Variants in COMMD10 observed in about 807,000 individuals in gnomAD.
COMMD10 encodes COMM domain-containing protein 10.
COMMD10 carries 33 observed loss-of-function variants against 28.9 expected under a neutral mutation model. That is an observed-to-expected ratio of 1.14 (90% confidence interval 0.87 to 1.53). COMMD10 has a LOEUF of 1.53. Ranked by LOEUF, COMMD10 falls within the 40% of genes most tolerant of loss-of-function variation. The probability of loss-of-function intolerance (pLI) is 0.00; values close to 1 mark genes in which losing one functional copy is unlikely to be tolerated. For missense variants in COMMD10, 310 were observed against 233.4 expected, an observed-to-expected ratio of 1.33 and a Z score of -2.14; for synonymous variants, 110 against 81.7, an observed-to-expected ratio of 1.35 and a Z score of -1.87.
At chr5:116,233,479 G>C (rs955742687) in intron 5 of COMMD10, among the ~76,000 whole-genome samples, 15 of 152,210 alleles carry the variant, frequency 9.9e-5, no homozygotes, top group African/African-American at 3.6e-4. Context: ...CCCTTGTGAA[G>C]TCTGTATTCT....
chr5:116,173,197 A>G (rs58502196), intron 5 of COMMD10, among the ~76,000 whole-genome samples: 8,090 of 152,188 alleles, frequency 0.053, 300 homozygotes, highest in African/African-American at 0.11. Flanking sequence ...GTAGTTTACA[A>G]ATGAAAAAAA....
chr5:116,167,418 T>G (rs1753161451), intron 5 of COMMD10, among the ~76,000 whole-genome samples: 1 of 152,102 alleles, frequency 6.6e-6, no homozygotes, highest in South Asian at 2.1e-4. Flanking sequence ...TGGAAAACAC[T>G]CTTCAGGATG....
intron 5 of COMMD10, among the ~76,000 whole-genome samples, chr5:116,256,444 A>G (rs4921085): frequency 0.11 from 16,952 of 151,672 alleles, 1,581 homozygotes; most frequent in African/African-American, 0.23. Context: ...GTGCTGTAGA[A>G]ATTACCTTTC....
chr5:116,221,708 G>A (rs922012573), intron 5 of COMMD10, among the ~76,000 whole-genome samples: 3 of 152,152 alleles, frequency 2.0e-5, no homozygotes, highest in Admixed American at 6.5e-5. Context: ...GCATTATTAC[G>A]TTTTGAAAGG....
intron 5 of COMMD10, among the ~76,000 whole-genome samples, chr5:116,176,524 A>T (rs936627010): frequency 2.0e-5 from 3 of 152,056 alleles, no homozygotes. Flanking sequence ...TTAATTTTGT[A>T]TGTCTTCATT....
chr5:116,090,185 AT>A (rs1239658373), intron 2 of COMMD10, among the ~76,000 whole-genome samples: 1 of 152,224 alleles, frequency 6.6e-6, no homozygotes, highest in Non-Finnish European at 1.5e-5. Context: ...GGCATGCCAG[AT>A]TATGGATCTG....
intron 5 of COMMD10, among the ~76,000 whole-genome samples, chr5:116,173,155 G>T (rs183563401): frequency 6.6e-6 from 1 of 152,034 alleles, no homozygotes; most frequent in Non-Finnish European, 1.5e-5. Context: ...TCTAACAGCT[G>T]CCTGTTGTTT....
In COMMD10 at chr5:116,176,876, G is replaced by A. The variant is rs556753038; in HGVS notation, c.510+42698G>A. 2.6e-5 allele frequency among the ~76,000 whole-genome samples: 4 copies of A among 152,204 alleles called. No homozygotes were observed. In the South Asian group the frequency reaches 8.3e-4, roughly 32 times the overall value. ...GTGAGTAACTATAAAAGTGTAAAGA[G>A]AACTGTAACAAACATACTAGGCCTG... On this transcript the variant is annotated intron_variant, in intron 5 of 6. Coordinates refer to ENST00000274458, the MANE Select transcript of COMMD10 (RefSeq NM_016144.4).
At chr5:116,125,169 C>A (rs1201644547) in intron 4 of COMMD10, among the ~76,000 whole-genome samples, 1 of 152,144 alleles carries the variant, frequency 6.6e-6, no homozygotes, top group Admixed American at 6.6e-5. Flanking sequence ...TACAATCTGG[C>A]ATGTTTTTGC....
chr5:116,112,519 C>G (rs1421821431), intron 4 of COMMD10, among the ~76,000 whole-genome samples: 2 of 152,040 alleles, frequency 1.3e-5, no homozygotes, highest in Non-Finnish European at 2.9e-5. Flanking sequence ...GCCTCAGCCT[C>G]CTGAGTAGCT....
intron 5 of COMMD10, among the ~76,000 whole-genome samples, chr5:116,159,257 C>T (rs566674333): frequency 6.6e-6 from 1 of 152,182 alleles, no homozygotes; most frequent in African/African-American, 2.4e-5. Flanking sequence ...ACCTTGTTTC[C>T]CAGCCCCTCC....
chr5:116,195,665 C>A (rs10041334), intron 5 of COMMD10, among the ~76,000 whole-genome samples: 100,097 of 152,002 alleles, frequency 0.66, 37,273 homozygotes, highest in South Asian at 0.86. Context: ...CATAGATGAC[C>A]CAAACAAATG....
chr5:116,135,573 G>A (rs146883631), intron 5 of COMMD10, among the ~76,000 whole-genome samples: 43 of 152,192 alleles, frequency 2.8e-4, no homozygotes, highest in African/African-American at 9.9e-4. Flanking sequence ...AGTTACCCGC[G>A]GTCAACTGCC....
chr5:116,285,277 C>A (rs541912368), intron 5 of COMMD10, among the ~76,000 whole-genome samples: 1 of 151,984 alleles, frequency 6.6e-6, no homozygotes, highest in East Asian at 1.9e-4. Flanking sequence ...AAGATAACTT[C>A]TTGATATCTT....
At chr5:116,254,555 AC>A (rs1750224302) in intron 5 of COMMD10, among the ~76,000 whole-genome samples, 1 of 150,672 alleles carries the variant, frequency 6.6e-6, no homozygotes, top group African/African-American at 2.5e-5. Flanking sequence ...TTCGTTATGT[AC>A]CCAGTAGTCA....
At chr5:116,149,110 G>C (rs1269600173) in intron 5 of COMMD10, among the ~76,000 whole-genome samples, 1 of 148,532 alleles carries the variant, frequency 6.7e-6, no homozygotes, top group African/African-American at 2.5e-5. Flanking sequence ...GCGGTGTTTG[G>C]TTTTTTGTTC....
chr5:116,170,535 C>T (rs1169666438), intron 5 of COMMD10, among the ~76,000 whole-genome samples: 2 of 152,154 alleles, frequency 1.3e-5, no homozygotes, highest in Non-Finnish European at 2.9e-5. Flanking sequence ...CAAGACAATC[C>T]TAAGCAAAAA....
At chr5:116,226,178 C>T (rs1749389379) in intron 5 of COMMD10, among the ~76,000 whole-genome samples, 1 of 151,928 alleles carries the variant, frequency 6.6e-6, no homozygotes, top group South Asian at 2.1e-4. Flanking sequence ...GAAGTATCTT[C>T]AAGTAGTTTG....
intron 4 of COMMD10, among the ~76,000 whole-genome samples, chr5:116,114,790 T>C (rs1182324529): frequency 1.3e-5 from 2 of 152,172 alleles, no homozygotes; most frequent in Non-Finnish European, 2.9e-5. Context: ...GCTTCCTCCC[T>C]TATCCCGACT....
Sources: gnomAD v4.1 joint callset for allele counts (sites outside exome capture counted in the v4.1 genomes callset) on GRCh38, gnomAD v4.1.1 for gene constraint, MANE v1.5 for transcripts, NCBI Gene and HGNC (gene_info 2026-07-23, HGNC 2026-07-21) for gene names.